The following DNM3 variants were observed in gnomAD, a reference collection of about 807,000 sequenced individuals.
DNM3 encodes the protein dynamin 3, also known as dynamin-3.
DNM3 carries 47 observed loss-of-function variants against 101.6 expected under a neutral mutation model. That is an observed-to-expected ratio of 0.46 (90% CI 0.37 to 0.59). The LOEUF (loss-of-function observed/expected upper bound fraction) is 0.59, where lower values mean the gene tolerates loss of function less well. Among genes scored for constraint, DNM3 ranks in the 20% least tolerant of loss-of-function variants. The pLI is 0.00. For missense variants in DNM3, 849 were observed against 1,085.7 expected, an observed-to-expected ratio of 0.78 and a Z score of 3.06; for synonymous variants, 385 against 387.9, an observed-to-expected ratio of 0.99 and a Z score of 0.09.
At position 171,948,157 on chromosome 1, in the gene DNM3, A is replaced by G. The variant is rs569243346; in HGVS notation, c.235+26336A>G. On this transcript the variant is annotated intron_variant, in intron 2 of 20. Transcript: ENST00000627582. ...CTTGTAGCAAACAGACAGCAATTAC[A>G]TCTGTTTGACAGCTGATGAAACAAA... 4.6e-5 allele frequency among the ~76,000 whole-genome samples: 7 copies of G among 152,310 alleles called. No homozygotes were observed. The East Asian group carries it at 1.2e-3, about 25-fold the overall frequency.
intron 14 of DNM3, among the ~76,000 whole-genome samples, chr1:172,209,480 C>A (rs935484862): frequency 6.6e-6 from 1 of 151,986 alleles, no homozygotes; most frequent in Admixed American, 6.6e-5. Context: ...TTAAACATTT[C>A]TGTTTACCCA....
At chr1:172,333,195 C>T (rs573024173) in intron 17 of DNM3, among the ~76,000 whole-genome samples, 1 of 152,230 alleles carries the variant, frequency 6.6e-6, no homozygotes, top group South Asian at 2.1e-4. Flanking sequence ...ATTTTTTAGA[C>T]ATTCATTTGT....
At chr1:172,092,193 A>G (rs918948323) in intron 12 of DNM3, among the ~76,000 whole-genome samples, 1 of 152,216 alleles carries the variant, frequency 6.6e-6, no homozygotes, top group Non-Finnish European at 1.5e-5. Context: ...CAATAAGTCC[A>G]GAGTTGGGAC....
chr1:171,977,204 A>G (rs1243118207), intron 2 of DNM3, among the ~76,000 whole-genome samples: 2 of 152,226 alleles, frequency 1.3e-5, no homozygotes, highest in Non-Finnish European at 2.9e-5. Flanking sequence ...AGCAAAAAAG[A>G]GCCTTGAGTA....
In DNM3 at chr1:172,039,431, T is replaced by C. The variant is rs542557949; in HGVS notation, c.992+970T>C. On this transcript the variant is annotated intron_variant, in intron 7 of 20. Transcript: ENST00000627582. ...ATTAATTGCTTCATCCTATATTTCC[T>C]CATTAAAAATATTATACAAAGGAAA... 2.0e-5 allele frequency among the ~76,000 whole-genome samples: 3 copies of C among 152,188 alleles called. No individual in the cohort carries two copies. The South Asian group carries it at 6.2e-4, about 32-fold the overall frequency.
At chr1:172,031,092 C>G (rs913357978) in intron 4 of DNM3, among the ~76,000 whole-genome samples, 13 of 152,110 alleles carry the variant, frequency 8.5e-5, no homozygotes, top group African/African-American at 2.9e-4. Context: ...ACTATAAAGA[C>G]ACATGCATAC....
At chr1:171,980,026 A>C (rs913530114) in intron 2 of DNM3, among the ~76,000 whole-genome samples, 1 of 151,948 alleles carries the variant, frequency 6.6e-6, no homozygotes, top group Non-Finnish European at 1.5e-5. Flanking sequence ...TTTGTCTTTT[A>C]TGAAATCTTG....
rs200889524 is a variant in DNM3, at chr1:172,340,472, A to G, written c.1893+17132A>G. On this transcript the variant is annotated intron_variant, in intron 17 of 20. Transcript: ENST00000627582. ...CCTAGCTCCCACTGGTCTGCTTTAC[A>G]AGATCACCATTGAGGTTTATGCTGA... 3.9e-5 allele frequency among the ~76,000 whole-genome samples: 6 copies of G among 152,294 alleles called. No individual in the cohort carries two copies. The East Asian group carries it at 7.7e-4, about 20-fold the overall frequency.
chr1:172,343,579 T>C (rs1414051524), intron 17 of DNM3, among the ~76,000 whole-genome samples: 2 of 152,174 alleles, frequency 1.3e-5, no homozygotes, highest in Admixed American at 6.5e-5. Context: ...TTTTATGATA[T>C]GTGGTTTTGA....
intron 14 of DNM3, among the ~76,000 whole-genome samples, chr1:172,228,050 T>C (rs995924212): frequency 2.0e-5 from 3 of 152,170 alleles, no homozygotes; most frequent in Admixed American, 6.6e-5. Context: ...TTAATGGCTC[T>C]CTGAGTATTA....
chr1:172,081,725 C>A (rs1331975532), intron 11 of DNM3, 107 bp from the exon 12 acceptor site: 4 of 854,596 alleles, frequency 4.7e-6, no homozygotes, highest in South Asian at 3.8e-5. Flanking sequence ...ATTGAAGTAT[C>A]CTTTAAAAAA....
chr1:172,222,402 TG>T (rs2060940822), intron 14 of DNM3, among the ~76,000 whole-genome samples: 1 of 152,130 alleles, frequency 6.6e-6, no homozygotes, highest in Non-Finnish European at 1.5e-5. Flanking sequence ...ACAGATCCCC[TG>T]GGGCTTTGCC....
chr1:171,900,729 G>C (rs1021959051), intron 1 of DNM3, among the ~76,000 whole-genome samples: 1 of 152,070 alleles, frequency 6.6e-6, no homozygotes, highest in Non-Finnish European at 1.5e-5. Flanking sequence ...GGAGAGAGAT[G>C]ATGGTTTACT....
chr1:171,989,970 C>A (rs570530780), intron 4 of DNM3, among the ~76,000 whole-genome samples: 106 of 152,020 alleles, frequency 7.0e-4, no homozygotes, highest in Non-Finnish European at 1.2e-3. Flanking sequence ...CTTCTATAAT[C>A]ATTTCTTTGT....
At chr1:172,007,967 T>G (rs2046808490) in intron 4 of DNM3, among the ~76,000 whole-genome samples, 3 of 151,982 alleles carry the variant, frequency 2.0e-5, no homozygotes, top group Admixed American at 1.3e-4. Flanking sequence ...ACGTTGAGCA[T>G]TTTTTTCATA....
chr1:172,379,829 G>A (rs1419544486), intron 18 of DNM3, among the ~76,000 whole-genome samples: 1 of 151,878 alleles, frequency 6.6e-6, no homozygotes, highest in East Asian at 1.9e-4. Flanking sequence ...CTTAAATTAT[G>A]TTTGATTTAG....
At chr1:172,264,099 T>G (rs952570405) in intron 15 of DNM3, among the ~76,000 whole-genome samples, 5 of 152,206 alleles carry the variant, frequency 3.3e-5, no homozygotes, top group African/African-American at 1.2e-4. Context: ...AAGGTGACTT[T>G]CATTAGGTCA....
At chr1:171,945,568 A>C (rs2042119979) in intron 2 of DNM3, among the ~76,000 whole-genome samples, 1 of 152,218 alleles carries the variant, frequency 6.6e-6, no homozygotes, top group Non-Finnish European at 1.5e-5. Context: ...ACAATGAGGA[A>C]ATGGGGGAAA....
intron 14 of DNM3, among the ~76,000 whole-genome samples, chr1:172,164,227 C>CTTTTTTT (rs1165249284): frequency 1.4e-4 from 14 of 102,518 alleles, no homozygotes; most frequent in African/African-American, 6.1e-4. Flanking sequence ...ATTTTCTTTT[C>CTTTTTTT]TTTTCTTTTT....
Sources: allele counts gnomAD v4.1 joint callset (sites outside exome capture counted in the v4.1 genomes callset), GRCh38; gene constraint gnomAD v4.1.1; transcripts MANE v1.5; gene names NCBI Gene and HGNC (gene_info 2026-07-23, HGNC 2026-07-21).